Variants in AHI1 observed in about 807,000 individuals in gnomAD.
AHI1 encodes jouberin.
AHI1 carries 123 observed loss-of-function variants against 149.3 expected under a neutral mutation model. The observed-to-expected ratio is 0.82, with a 90% CI of 0.71 to 0.96. AHI1 has a LOEUF of 0.96. AHI1 is among the 40% of genes least tolerant of loss of function. The probability of loss-of-function intolerance (pLI) is 0.00; values close to 1 mark genes in which losing one functional copy is unlikely to be tolerated. For missense variants in AHI1, 1,439 were observed against 1,422.7 expected, an observed-to-expected ratio of 1.01 and a Z score of -0.18; for synonymous variants, 475 against 459.8, an observed-to-expected ratio of 1.03 and a Z score of -0.42.
chr6:135,386,159 T>C (rs1306496369), intron 23 of AHI1, among the ~76,000 whole-genome samples: 1 of 152,194 alleles, frequency 6.6e-6, no homozygotes, highest in Non-Finnish European at 1.5e-5. Context: ...AAGGCTGAAT[T>C]AGAAATTTGG....
In AHI1 at chr6:135,447,226, G is replaced by A. The variant is rs756075179; in HGVS notation, c.1627-66C>T. On this transcript the variant is annotated intron_variant, in intron 12 of 28. Transcript: ENST00000265602. ...CACCTTTTTCTTTTTCTAGCATATA[G>A]TTTTTAAAATACTGAAACAAATAAT... 4.5e-6 allele frequency: 5 copies of A among 1,116,210 alleles called. No individual in the cohort carries two copies. The African/African-American group carries it at 8.0e-5, about 18-fold the overall frequency. The allele number at this position is 1,116,210 out of a possible 1,614,324, so 69.1% of individuals were successfully genotyped here.
At chr6:135,295,812 G>A (rs952405871) in intron 27 of AHI1, among the ~76,000 whole-genome samples, 2 of 152,130 alleles carry the variant, frequency 1.3e-5, no homozygotes, top group Non-Finnish European at 2.9e-5. Context: ...TGGTTCATGG[G>A]TATTTACCCA....
intron 20 of AHI1, 48 bp from the exon 21 acceptor site, chr6:135,411,592 A>C: frequency 2.1e-6 from 3 of 1,449,144 alleles, no homozygotes; most frequent in Non-Finnish European, 2.8e-6. Flanking sequence ...GCAAAAGCAT[A>C]ATCAAGCCCT....
intron 23 of AHI1, among the ~76,000 whole-genome samples, chr6:135,382,786 A>G (rs998234848): frequency 6.6e-6 from 1 of 151,106 alleles, no homozygotes; most frequent in African/African-American, 2.4e-5. Context: ...GAAATAAAAA[A>G]AACTGTTATT....
intron 22 of AHI1, among the ~76,000 whole-genome samples, chr6:135,398,803 C>A (rs533790793): frequency 2.6e-5 from 4 of 152,260 alleles, no homozygotes; most frequent in Non-Finnish European, 5.9e-5. Flanking sequence ...ATCCTTATGT[C>A]TTTACTTCTA....
At chr6:135,325,315 C>T (rs1466754894) in intron 24 of AHI1, among the ~76,000 whole-genome samples, 9 of 152,250 alleles carry the variant, frequency 5.9e-5, no homozygotes, top group Admixed American at 2.6e-4. Flanking sequence ...GCGTGAGCCA[C>T]TGCGTCCGGC....
intron 20 of AHI1, among the ~76,000 whole-genome samples, chr6:135,421,492 T>C (rs777704202): frequency 1.3e-5 from 2 of 152,178 alleles, no homozygotes; most frequent in Non-Finnish European, 2.9e-5. Flanking sequence ...TATTCTAATT[T>C]TACAAGCAGA....
At chr6:135,363,202 G>A (rs909034595) in intron 23 of AHI1, among the ~76,000 whole-genome samples, 6 of 150,644 alleles carry the variant, frequency 4.0e-5, no homozygotes, top group African/African-American at 1.2e-4. Flanking sequence ...GCGGCCTTCC[G>A]CAGTGTTTGT....
intron 7 of AHI1, 37 bp from the exon 8 acceptor site, chr6:135,463,343 T>C (rs751133938): frequency 3.4e-6 from 5 of 1,463,748 alleles, no homozygotes; most frequent in African/African-American, 2.8e-5. Flanking sequence ...ATTACAGATA[T>C]ATTATCATTA....
intron 8 of AHI1, among the ~76,000 whole-genome samples, chr6:135,458,786 C>T (rs892513256): frequency 5.9e-5 from 9 of 152,136 alleles, no homozygotes; most frequent in Middle Eastern, 3.4e-3. Context: ...AATTTTGAAG[C>T]AGCATGAGAC....
intron 21 of AHI1, among the ~76,000 whole-genome samples, chr6:135,411,119 T>C (rs1343864621): frequency 1.3e-5 from 2 of 152,212 alleles, no homozygotes; most frequent in African/African-American, 4.8e-5. Context: ...GGTGCTGGGC[T>C]AGCCTTTACA....
At chr6:135,414,839 G>C (rs1293828832) in intron 20 of AHI1, among the ~76,000 whole-genome samples, 1 of 151,094 alleles carries the variant, frequency 6.6e-6, no homozygotes, top group Non-Finnish European at 1.5e-5. Flanking sequence ...TATACTTTAA[G>C]TTTTAGGGTA....
chr6:135,391,206 AC>A (rs1252294135), intron 23 of AHI1, among the ~76,000 whole-genome samples: 1 of 152,184 alleles, frequency 6.6e-6, no homozygotes, highest in African/African-American at 2.4e-5. Flanking sequence ...AGAAAAAAAT[AC>A]ATTTTAGAAT....
intron 19 of AHI1, among the ~76,000 whole-genome samples, chr6:135,428,341 G>A (rs1047679847): frequency 1.3e-4 from 20 of 151,420 alleles, no homozygotes; most frequent in African/African-American, 3.1e-4. Flanking sequence ...TCCATTAAAC[G>A]CTTTTCTAAG....
intron 24 of AHI1, among the ~76,000 whole-genome samples, chr6:135,333,213 G>A (rs753876207): frequency 1.3e-5 from 2 of 152,038 alleles, no homozygotes; most frequent in African/African-American, 2.4e-5. Flanking sequence ...AATAAAATAC[G>A]CTTTAAGAAA....
At chr6:135,494,344 T>A (rs1417437955) in intron 3 of AHI1, among the ~76,000 whole-genome samples, 1 of 152,190 alleles carries the variant, frequency 6.6e-6, no homozygotes, top group Non-Finnish European at 1.5e-5. Context: ...AACAGGTTGT[T>A]AGGGTGCAGT....
chr6:135,424,948 G>T (rs111702285), intron 20 of AHI1, among the ~76,000 whole-genome samples: 3,627 of 151,762 alleles, frequency 0.024, 158 homozygotes, highest in African/African-American at 0.082. Flanking sequence ...AAATATTCCT[G>T]TATTAAAAAA....
At chr6:135,481,615 T>C (rs904731234) in intron 5 of AHI1, among the ~76,000 whole-genome samples, 2 of 151,874 alleles carry the variant, frequency 1.3e-5, no homozygotes, top group Admixed American at 1.3e-4. Flanking sequence ...AAGAGATTTT[T>C]AAGTAAGAGA....
intron 11 of AHI1, 67 bp downstream of exon 11, chr6:135,453,274 T>C (rs1351459552): frequency 2.4e-6 from 3 of 1,226,170 alleles, no homozygotes; most frequent in Non-Finnish European, 3.5e-6. Context: ...CAAACTGATT[T>C]GGGAGAAAGC....
Sources: allele counts gnomAD v4.1 joint callset (sites outside exome capture counted in the v4.1 genomes callset), GRCh38; gene constraint gnomAD v4.1.1; transcripts MANE v1.5; gene names NCBI Gene and HGNC (gene_info 2026-07-23, HGNC 2026-07-21).